The following PHAF1 variants were observed in gnomAD, a reference collection of about 807,000 sequenced individuals.
PHAF1 encodes the protein phagosome assembly factor 1.
A neutral mutation model predicts 63.1 loss-of-function variants in PHAF1; 23 were observed. The observed-to-expected ratio is 0.36, with a 90% CI of 0.26 to 0.52. The LOEUF (loss-of-function observed/expected upper bound fraction) is 0.52. Among genes scored for constraint, PHAF1 ranks in the 20% least tolerant of loss-of-function variants. The pLI is 0.93. For missense variants in PHAF1, 427 were observed against 517.2 expected (o/e 0.83, Z 1.69); for synonymous variants, 167 against 185.0 (o/e 0.90, Z 0.79).
intron 9 of PHAF1, 87 bp downstream of exon 9, chr16:67,140,204 G>T (rs1445650518): frequency 1.4e-6 from 2 of 1,470,712 alleles, no homozygotes; most frequent in South Asian, 2.5e-5. Context: ...TTTTCCCATA[G>T]AACTTGTTCT....
At chr16:67,110,291 C>T in intron 1 of PHAF1, 52 bp downstream of exon 1, 1 of 1,537,156 alleles carries the variant, frequency 6.5e-7, no homozygotes, top group East Asian at 2.5e-5. Flanking sequence ...TTGCTTTCTC[C>T]TGGGCTCTTC....
At chr16:67,117,166 G>A (rs1962768889) in intron 1 of PHAF1, among the ~76,000 whole-genome samples, 1 of 149,980 alleles carries the variant, frequency 6.7e-6, no homozygotes, top group Admixed American at 6.6e-5. Flanking sequence ...CTGAGTAGCT[G>A]GGACTACAGG....
chr16:67,117,672 A>G (rs1276644324), intron 1 of PHAF1, among the ~76,000 whole-genome samples: 2 of 151,358 alleles, frequency 1.3e-5, no homozygotes, highest in Non-Finnish European at 2.9e-5. Flanking sequence ...AGGCAGGAGA[A>G]TGGCGTGAAC....
chr16:67,117,199 A>ATTTTTTTT (rs750308105), intron 1 of PHAF1, among the ~76,000 whole-genome samples: 262 of 111,896 alleles, frequency 2.3e-3, no homozygotes, highest in African/African-American at 6.3e-3. Flanking sequence ...TGCCCAGCTA[A>ATTTTTTTT]TTTTTTTTTT....
At chr16:67,125,741 A>G (rs1370135499) in intron 2 of PHAF1, among the ~76,000 whole-genome samples, 1 of 152,220 alleles carries the variant, frequency 6.6e-6, no homozygotes, top group African/African-American at 2.4e-5. Flanking sequence ...GGCTCTTTTC[A>G]GCCGATATTA....
At chr16:67,118,396 G>A (rs1195380800) in intron 1 of PHAF1, among the ~76,000 whole-genome samples, 3 of 145,124 alleles carry the variant, frequency 2.1e-5, no homozygotes, top group Admixed American at 7.0e-5. Context: ...GAGTGCAGTG[G>A]CGCTATCTCG....
At chr16:67,130,116 C>G (rs897666228) in intron 3 of PHAF1, among the ~76,000 whole-genome samples, 1 of 144,340 alleles carries the variant, frequency 6.9e-6, no homozygotes, top group Non-Finnish European at 1.5e-5. Flanking sequence ...GCGCAATCTC[C>G]GCTCACTGCA....
intron 6 of PHAF1, among the ~76,000 whole-genome samples, chr16:67,133,789 A>T (rs1432940367): frequency 6.6e-6 from 1 of 151,300 alleles, no homozygotes; most frequent in Non-Finnish European, 1.5e-5. Context: ...CAAAAAAAAA[A>T]AAAAAATTAG....
At chr16:67,110,325 C>A in intron 1 of PHAF1, 86 bp downstream of exon 1, 1 of 1,424,562 alleles carries the variant, frequency 7.0e-7, no homozygotes, top group Non-Finnish European at 9.7e-7. Flanking sequence ...GTCTCTCACG[C>A]CCCTGCGCCC....
At chr16:67,145,978 C>T (rs935620549) in intron 14 of PHAF1, among the ~76,000 whole-genome samples, 5 of 152,264 alleles carry the variant, frequency 3.3e-5, no homozygotes, top group South Asian at 2.1e-4. Flanking sequence ...TCCACAGCCC[C>T]GTTCCTGGTT....
chr16:67,110,917 T>G (rs1230321380), intron 1 of PHAF1, among the ~76,000 whole-genome samples: 1 of 152,208 alleles, frequency 6.6e-6, no homozygotes. Flanking sequence ...GTTTAAGCGA[T>G]TCTCCTGCCT....
intron 8 of PHAF1, among the ~76,000 whole-genome samples, chr16:67,138,049 T>A (rs1440802392): frequency 6.6e-6 from 1 of 152,168 alleles, no homozygotes; most frequent in African/African-American, 2.4e-5. Context: ...AGATACACTT[T>A]GGGGAATCAC....
intron 14 of PHAF1, among the ~76,000 whole-genome samples, chr16:67,145,930 C>G (rs945640880): frequency 1.3e-5 from 2 of 152,130 alleles, no homozygotes; most frequent in African/African-American, 4.8e-5. Context: ...GGCCTGGGCT[C>G]TTTTTCCCTT....
At chr16:67,113,195 G>T (rs1320503887) in intron 1 of PHAF1, among the ~76,000 whole-genome samples, 3 of 152,164 alleles carry the variant, frequency 2.0e-5, no homozygotes, top group Non-Finnish European at 4.4e-5. Context: ...TTGTCACCAG[G>T]TTTCTTATTG....
chr16:67,130,132 T>G (rs969401632), intron 3 of PHAF1, among the ~76,000 whole-genome samples: 1 of 141,728 alleles, frequency 7.1e-6, no homozygotes, highest in African/African-American at 2.6e-5. Flanking sequence ...CTGCAAGCTC[T>G]GCCTCCCGGG....
Position 67,110,058 on chromosome 16 carries a change from GA to G in PHAF1, c.-115del. 1.8e-6 allele frequency: 2 copies of G among 1,095,690 alleles called. No homozygotes were observed. Among genetic ancestry groups the G allele is most frequent in the South Asian group, 2.9e-5 (2 of 68,878 alleles). The allele number at this position is 1,095,690 out of a possible 1,614,324, so 67.9% of individuals were successfully genotyped here. A position where few individuals can be genotyped will look rare whatever the true frequency, so the allele number is the denominator to read the frequency against. On this transcript the variant is annotated 5_prime_UTR_variant, in exon 1 of 16. Coordinates refer to ENST00000219139, the MANE Select transcript of PHAF1 (RefSeq NM_025187.5). ...TGCCGCTGCCGCCGGGGAGGAGGTG[GA>G]AAGCGGGGCTGTGGCGGGCCGGCGG...
chr16:67,138,309 A>G (rs74024067), intron 8 of PHAF1, among the ~76,000 whole-genome samples: 1 of 152,240 alleles, frequency 6.6e-6, no homozygotes, highest in African/African-American at 2.4e-5. Flanking sequence ...CTCAGTGTAT[A>G]CTTGCTGAGA....
chr16:67,140,253 C>G (rs1963757632), intron 9 of PHAF1, 136 bp downstream of exon 9: 1 of 1,199,970 alleles, frequency 8.3e-7, no homozygotes, highest in African/African-American at 1.5e-5. Context: ...AAACTGTTTT[C>G]TAACCCCTGT....
chr16:67,118,625 G>A (rs1433561055), intron 1 of PHAF1, among the ~76,000 whole-genome samples: 3 of 151,466 alleles, frequency 2.0e-5, no homozygotes, highest in Non-Finnish European at 4.4e-5. Flanking sequence ...GTGAGCCACC[G>A]GGCCTGGCCC....
Sources: gnomAD v4.1 joint callset for allele counts (sites outside exome capture counted in the v4.1 genomes callset) on GRCh38, gnomAD v4.1.1 for gene constraint, MANE v1.5 for transcripts, NCBI Gene and HGNC (gene_info 2026-07-23, HGNC 2026-07-21) for gene names.